Variants in RTN4IP1 observed in about 807,000 individuals in gnomAD.
The protein encoded by RTN4IP1 is NAD(P)H oxidoreductase RTN4IP1, mitochondrial.
A neutral mutation model predicts 46.6 loss-of-function variants in RTN4IP1; 32 were observed. The observed-to-expected ratio is 0.69, with a 90% CI of 0.52 to 0.92. The LOEUF (loss-of-function observed/expected upper bound fraction) is 0.92. Ranked by LOEUF, RTN4IP1 falls within the 40% of genes least tolerant of loss-of-function variation. The pLI, the probability that RTN4IP1 is intolerant of heterozygous loss-of-function variation, is 0.00. For synonymous variants in RTN4IP1, 167 were observed against 161.8 expected, an observed-to-expected ratio of 1.03 and a Z score of -0.24; for missense variants, 424 against 485.8, an observed-to-expected ratio of 0.87 and a Z score of 1.20.
intron 5 of RTN4IP1, among the ~76,000 whole-genome samples, chr6:106,600,564 A>C (rs1319275154): frequency 1.3e-5 from 2 of 151,948 alleles, no homozygotes; most frequent in African/African-American, 4.8e-5. Context: ...TTACGTAGTC[A>C]TTCCCCACTC....
chr6:106,599,803 T>A (rs1775897023), intron 5 of RTN4IP1, among the ~76,000 whole-genome samples: 1 of 151,846 alleles, frequency 6.6e-6, no homozygotes, highest in African/African-American at 2.4e-5. Context: ...TATCTATAGG[T>A]TATAATCCTA....
chr6:106,605,224 A>G (rs1776033260), intron 4 of RTN4IP1, among the ~76,000 whole-genome samples: 4 of 152,088 alleles, frequency 2.6e-5, no homozygotes. Context: ...TCATGAGGGC[A>G]AGAGATCGAG....
rs879249557 is a variant in RTN4IP1, at chr6:106,603,007, A to G, written c.621-85T>C. 6.8e-5 allele frequency: 60 copies of G among 882,246 alleles called. No individual in the cohort carries two copies. The South Asian group carries it at 9.9e-4, about 15-fold the overall frequency. The allele number at this position is 882,246 out of a possible 1,614,324, so 54.7% of individuals were successfully genotyped here. A position where few individuals can be genotyped will look rare whatever the true frequency, so the allele number is the denominator to read the frequency against. ...GTTTTCAACAAATAACTGGTTGATG[A>G]TAAGATGATAAATAATTCTAAAAGA... On this transcript the variant is annotated intron_variant, in intron 4 of 8. Transcript: ENST00000369063.
At chr6:106,580,150 C>T (rs1475132394) in intron 8 of RTN4IP1, among the ~76,000 whole-genome samples, 1 of 146,152 alleles carries the variant, frequency 6.8e-6, no homozygotes, top group African/African-American at 2.6e-5. Flanking sequence ...GGAGGCGGAG[C>T]TTGCAGTGAG....
intron 5 of RTN4IP1, among the ~76,000 whole-genome samples, chr6:106,593,179 C>A (rs1444495207): frequency 2.0e-5 from 3 of 152,122 alleles, no homozygotes; most frequent in Non-Finnish European, 4.4e-5. Context: ...AAACTATAAT[C>A]ATTTTTTCTT....
At chr6:106,625,349 A>C (rs946181681) in intron 1 of RTN4IP1, among the ~76,000 whole-genome samples, 1 of 152,086 alleles carries the variant, frequency 6.6e-6, no homozygotes, top group Non-Finnish European at 1.5e-5. Context: ...GCAGCAAAGG[A>C]GACTAAGGCG....
At chr6:106,604,559 T>C (rs1297918873) in intron 4 of RTN4IP1, among the ~76,000 whole-genome samples, 1 of 152,118 alleles carries the variant, frequency 6.6e-6, no homozygotes, top group Non-Finnish European at 1.5e-5. Flanking sequence ...ACGATTTCTC[T>C]GAAGTTCCCT....
rs9486425 is a variant in RTN4IP1, at chr6:106,606,018, G to A, written c.621-3096C>T. Among the ~76,000 whole-genome samples the A allele has an allele frequency of 2.1e-3, 321 of 152,142 alleles. 1 individual carries two copies. The highest frequency in any genetic ancestry group is 7.2e-3 in the African/African-American group (298 of 41,508). On this transcript the variant is annotated intron_variant, in intron 4 of 8. Coordinates refer to ENST00000369063, the MANE Select transcript of RTN4IP1 (RefSeq NM_032730.5). ...AAATTGGAAAAGAGGATGTCAAATT[G>A]TCCCTCTTTGCAGATGACATGATCT...
chr6:106,610,902 T>C (rs770746465), intron 4 of RTN4IP1, among the ~76,000 whole-genome samples: 1 of 152,172 alleles, frequency 6.6e-6, no homozygotes, highest in African/African-American at 2.4e-5. Context: ...TCCCTAAACA[T>C]ACATTAAGGC....
chr6:106,579,409 G>A (rs1277609073), intron 8 of RTN4IP1, among the ~76,000 whole-genome samples: 2 of 152,104 alleles, frequency 1.3e-5, no homozygotes, highest in African/African-American at 4.8e-5. Flanking sequence ...TGAATATGGA[G>A]TCCTACGACT....
intron 4 of RTN4IP1, among the ~76,000 whole-genome samples, chr6:106,604,912 C>G (rs1776026207): frequency 6.6e-6 from 1 of 152,172 alleles, no homozygotes; most frequent in Admixed American, 6.5e-5. Flanking sequence ...TGACCCCACC[C>G]CTCCAGTAGT....
chr6:106,577,739 CAGGGTCCTTATA>C (rs1350584716), intron 8 of RTN4IP1, among the ~76,000 whole-genome samples: 3 of 152,004 alleles, frequency 2.0e-5, no homozygotes, highest in Non-Finnish European at 4.4e-5. Flanking sequence ...AGTGTAATCT[CAGGGTCCTTATA>C]AGGGGAAGGC....
chr6:106,592,450 G>A (rs1176198723), intron 5 of RTN4IP1, 150 bp from the exon 6 acceptor site: 1 of 779,506 alleles, frequency 1.3e-6, no homozygotes, highest in African/African-American at 1.8e-5. Flanking sequence ...AGAACTATAG[G>A]AAGCCATCTG....
chr6:106,570,800 CA>C lies in RTN4IP1; in HGVS notation c.*1195del, dbSNP rs1402635727. ...TAACTCGGTAGTAAGACCAGACCAA[CA>C]ATTTTAGAGAAAAGCCTACATCTAA... On this transcript the variant is annotated 3_prime_UTR_variant, in exon 9 of 9. Transcript: ENST00000369063. The C allele has an allele frequency of 2.6e-5, 4 of 152,050 alleles. No homozygotes were observed. Among genetic ancestry groups the C allele is most frequent in the African/African-American group, 9.7e-5 (4 of 41,386 alleles). 9.4% of individuals were successfully genotyped at this position (152,050 alleles called of 1,614,324 possible).
chr6:106,628,548 A>G (rs897245377), intron 1 of RTN4IP1, among the ~76,000 whole-genome samples, 200 bp downstream of exon 1: 3 of 152,164 alleles, frequency 2.0e-5, no homozygotes, highest in African/African-American at 7.2e-5. Flanking sequence ...AATCAAGCTT[A>G]TATTTTGTCA....
intron 1 of RTN4IP1, among the ~76,000 whole-genome samples, chr6:106,624,980 A>G (rs1042817750): frequency 1.1e-4 from 16 of 151,440 alleles, no homozygotes; most frequent in African/African-American, 3.9e-4. Flanking sequence ...GAAAAAGAAT[A>G]CTTATATAAA....
chr6:106,623,345 T>C (rs1776537265), intron 1 of RTN4IP1, among the ~76,000 whole-genome samples: 1 of 152,034 alleles, frequency 6.6e-6, no homozygotes, highest in Non-Finnish European at 1.5e-5. Flanking sequence ...TGAGAACACA[T>C]GGACACATAG....
chr6:106,596,815 A>G (rs1373001462), intron 5 of RTN4IP1, among the ~76,000 whole-genome samples: 1 of 152,184 alleles, frequency 6.6e-6, no homozygotes, highest in Non-Finnish European at 1.5e-5. Context: ...CATGTTGATA[A>G]CAGTCTGTAT....
chr6:106,624,392 G>C (rs1442403546), intron 1 of RTN4IP1, among the ~76,000 whole-genome samples: 1 of 151,718 alleles, frequency 6.6e-6, no homozygotes, highest in Non-Finnish European at 1.5e-5. Context: ...GCCTCACTCT[G>C]TTGCCCAAAT....
Sources: gnomAD v4.1 joint callset for allele counts (sites outside exome capture counted in the v4.1 genomes callset) on GRCh38, gnomAD v4.1.1 for gene constraint, MANE v1.5 for transcripts, NCBI Gene and HGNC (gene_info 2026-07-23, HGNC 2026-07-21) for gene names.